The following RCCD1 variants were observed in gnomAD, a reference collection of about 807,000 sequenced individuals.
The protein encoded by RCCD1 is RCC1 domain-containing protein 1.
RCCD1 carries 40 observed loss-of-function variants against 37.6 expected under a neutral mutation model. The observed-to-expected ratio is 1.06, with a 90% CI of 0.83 to 1.39. RCCD1 has a LOEUF of 1.39. Among genes scored for constraint, RCCD1 ranks in the 40% most tolerant of loss-of-function variants. The probability of loss-of-function intolerance (pLI) is 0.00; values close to 1 mark genes in which losing one functional copy is unlikely to be tolerated. For synonymous variants in RCCD1, 263 were observed against 230.0 expected, an observed-to-expected ratio of 1.14 and a Z score of -1.30; for missense variants, 577 against 517.3, an observed-to-expected ratio of 1.12 and a Z score of -1.12.
At chr15:90,956,543 C>T in intron 1 of RCCD1, 69 bp from the exon 2 acceptor site, 3 of 468,430 alleles carry the variant, frequency 6.4e-6, no homozygotes, top group Non-Finnish European at 1.0e-5. Context: ...AGGGCGCCTG[C>T]TCAGCGAACC....
chr15:90,960,067 A>G, intron 5 of RCCD1, 69 bp downstream of exon 5: 2 of 1,309,156 alleles, frequency 1.5e-6, no homozygotes, highest in East Asian at 2.3e-5. Flanking sequence ...TCCTGGCTGT[A>G]TGCTGGCCTC....
At chr15:90,958,788 T>C (rs1376415883) in intron 4 of RCCD1, among the ~76,000 whole-genome samples, 1 of 151,358 alleles carries the variant, frequency 6.6e-6, no homozygotes, top group Middle Eastern at 3.2e-3. Context: ...AAAAATGAGC[T>C]GGGCGTGGCG....
At chr15:90,960,845 C>A (rs962406862) in intron 6 of RCCD1, 180 bp from the exon 7 acceptor site, 1 of 702,964 alleles carries the variant, frequency 1.4e-6, no homozygotes. Flanking sequence ...CACTTTTTCC[C>A]TCGGGATCCT....
intron 6 of RCCD1, 155 bp downstream of exon 6, chr15:90,960,653 A>C: frequency 2.9e-6 from 2 of 699,850 alleles, no homozygotes; most frequent in Non-Finnish European, 2.3e-6. Context: ...GTTGTTTCAC[A>C]GTAGTTCCCC....
chr15:90,960,749 C>CCCG, intron 6 of RCCD1: 1 of 610,852 alleles, frequency 1.6e-6, no homozygotes, highest in South Asian at 2.0e-5. Flanking sequence ...ACATTCCCTG[C>CCCG]CCGCCGCCGC....
At chr15:90,956,393 G>C (rs963671850) in intron 1 of RCCD1, among the ~76,000 whole-genome samples, 1 of 152,168 alleles carries the variant, frequency 6.6e-6, no homozygotes, top group African/African-American at 2.4e-5. Flanking sequence ...TGTCGGGGGC[G>C]CTCGGATCCT....
chr15:90,960,895 ATGT>A (rs2037301712), intron 6 of RCCD1, 127 bp from the exon 7 acceptor site: 2 of 875,004 alleles, frequency 2.3e-6, no homozygotes, highest in Admixed American at 1.9e-5. Flanking sequence ...TTAAGAGAAT[ATGT>A]TGTTCCATGC....
intron 5 of RCCD1, 73 bp from the exon 6 acceptor site, chr15:90,960,255 C>A: frequency 1.4e-6 from 2 of 1,441,388 alleles, no homozygotes; most frequent in Non-Finnish European, 1.9e-6. Flanking sequence ...GCTGTTGTGG[C>A]AATAAGTGAC....
rs2037310066 is a variant in RCCD1, at chr15:90,961,299, A to C, written c.979+245A>C. On this transcript the variant is annotated intron_variant, in intron 7 of 7. Transcript: ENST00000394258. ...CCTACCTCTCTGAAAGACTGTCTTA[A>C]GGGAGTATCCAACCAGCACTTACAA... 12 of 592,766 alleles carry C rather than the reference A, an allele frequency of 2.0e-5. No individual in the cohort carries two copies. In the East Asian group the frequency reaches 3.4e-4, roughly 17 times the overall value. The allele number at this position is 592,766 out of a possible 1,614,324, so 36.7% of individuals were successfully genotyped here.
At chr15:90,960,304 C>T in intron 5 of RCCD1, 24 bp from the exon 6 acceptor site, 2 of 1,577,270 alleles carry the variant, frequency 1.3e-6, no homozygotes, top group Non-Finnish European at 1.7e-6. Flanking sequence ...AGTTGGTGTT[C>T]ACATCATTAT....
Position 90,961,757 on chromosome 15 carries a change from A to G in RCCD1, c.1119A>G (p.Lys373=), listed in dbSNP as rs776922151. 29 of 1,613,670 alleles carry G rather than the reference A, an allele frequency of 1.8e-5. No homozygotes were observed. Among genetic ancestry groups the G allele is most frequent in the Non-Finnish European group, 2.3e-5 (27 of 1,179,920 alleles). ...ACACCTACGTGTATGCTGTGGAGAAAGGGAAGAGCTGACATGTGTACGTAT... is the reference window on the plus strand; with the variant it reads ...ACACCTACGTGTATGCTGTGGAGAAGGGGAAGAGCTGACATGTGTACGTAT... ...PWNTYVYAVE[K]GKS Residue 373 remains lysine, a synonymous_variant, in exon 8 of 8, where the codon AAA becomes AAG. Coordinates refer to ENST00000394258, the MANE Select transcript of RCCD1 (RefSeq NM_001017919.2).
chr15:90,961,263 G>T, intron 7 of RCCD1: 1 of 602,996 alleles, frequency 1.7e-6, no homozygotes. Context: ...AGAGGATATC[G>T]GTACCACCCG....
chr15:90,956,741 G>A lies in RCCD1; in HGVS notation c.7G>A (p.Glu3Lys). Residue 3 changes from glutamate (E) to lysine (K), a missense_variant, in exon 2 of 8, where the codon GAG becomes AAG. Glu to Lys is a moderately conservative substitution (Grantham distance 56). Transcript: ENST00000394258. ...CAGAGGGCGCTGCTCGGGCATGGCG[G>A]AGGAGCGGCCGGGGGCCTGGTTCGG... is the stretch of plus-strand genomic sequence containing the variant. MA[E>K]ERPGAWFGFG... 7.6e-7 allele frequency: 1 copy of A among 1,316,570 alleles called. No individual in the cohort carries two copies. The highest frequency in any genetic ancestry group is 3.2e-5 in the Admixed American group (1 of 31,250). The allele number at this position is 1,316,570 out of a possible 1,614,324, so 81.6% of individuals were successfully genotyped here.
At chr15:90,957,069 C>G (rs1168923022) in intron 2 of RCCD1, 44 bp from the exon 3 acceptor site, 1 of 1,312,712 alleles carries the variant, frequency 7.6e-7, no homozygotes, top group Non-Finnish European at 9.7e-7. Flanking sequence ...CCCCCCATCC[C>G]CGCCGCCTCC....
At chr15:90,958,916 AGAGT>A (rs1486848029) in intron 4 of RCCD1, among the ~76,000 whole-genome samples, 1 of 147,218 alleles carries the variant, frequency 6.8e-6, no homozygotes, top group Non-Finnish European at 1.5e-5. Context: ...TCTGAGTGAC[AGAGT>A]GAGACTCTGT....
intron 4 of RCCD1, among the ~76,000 whole-genome samples, chr15:90,959,007 C>G (rs73500800): frequency 0.01 from 1,521 of 151,928 alleles, 27 homozygotes; most frequent in African/African-American, 0.034. Context: ...TGGAAACAGC[C>G]CAGTGGGACG....
Position 90,961,705 on chromosome 15 carries a change from T to A in RCCD1, c.1067T>A (p.Val356Glu). The A allele has an allele frequency of 6.2e-7, 1 of 1,614,128 alleles. No homozygotes were observed. The highest frequency in any genetic ancestry group is 1.1e-5 in the South Asian group (1 of 91,078). Residue 356 changes from valine (V) to glutamate (E), a missense_variant, in exon 8 of 8, where the codon GTA becomes GAA. Physicochemically the swap from Val to Glu is moderately radical, Grantham distance 121. Transcript: ENST00000394258. ...TACTTTGTAGATAAGCAACTCCAAG[T>A]AAAGGCTGTCACCTGTGGGCCGTGG... ...VEYFVDKQLQVKAVTCGPWNT... is the reference protein window; with the variant it reads ...VEYFVDKQLQEKAVTCGPWNT...
chr15:90,962,680 G>T lies in RCCD1; in HGVS notation c.*911G>T, dbSNP rs1042121951. ...GCTAAGCAGGGAGATTGCTTGAGGC[G>T]AAGAGTTCATATGTTTATTGGCCAC... On this transcript the variant is annotated 3_prime_UTR_variant, in exon 8 of 8. Transcript: ENST00000394258. 2.0e-5 allele frequency: 3 copies of T among 152,192 alleles called. No homozygotes were observed. Among genetic ancestry groups the T allele is most frequent in the Admixed American group, 6.6e-5 (1 of 15,264 alleles). 9.4% of individuals were successfully genotyped at this position (152,192 alleles called of 1,614,324 possible).
chr15:90,960,451 A>T lies in RCCD1; in HGVS notation c.902A>T (p.Asp301Val). 1 of 1,613,014 alleles carries T rather than the reference A, an allele frequency of 6.2e-7. No individual in the cohort carries two copies. Among genetic ancestry groups the T allele is most frequent in the Non-Finnish European group, 8.5e-7 (1 of 1,179,992 alleles). ...PALLDLPMGSDAVKASCGSRH... is the reference protein window; with the variant it reads ...PALLDLPMGSVAVKASCGSRH... ...TTACTGGATCTCCCCATGGGCTCAG[A>T]TGCAGTCAAGGCCAGCTGTGGATCC... Residue 301 changes from aspartate to valine, a missense_variant, in exon 6 of 8, where the codon GAT becomes GTT. Asp to Val is a radical substitution (Grantham distance 152, BLOSUM62 -3). Transcript: ENST00000394258.
Sources: gnomAD v4.1 joint callset for allele counts (sites outside exome capture counted in the v4.1 genomes callset) on GRCh38, gnomAD v4.1.1 for gene constraint, MANE v1.5 for transcripts, NCBI Gene and HGNC (gene_info 2026-07-23, HGNC 2026-07-21) for gene names.